The following RBFA variants were observed in gnomAD, a reference collection of about 807,000 sequenced individuals.
RBFA encodes the protein putative ribosome-binding factor A, mitochondrial.
Under a neutral mutation model 27.9 loss-of-function variants are expected in RBFA, and 16 were observed. That is an observed-to-expected ratio of 0.57 (90% CI 0.39 to 0.87). RBFA has a LOEUF of 0.87. Among genes scored for constraint, RBFA ranks in the 40% least tolerant of loss-of-function variants. RBFA has a pLI of 0.00. For synonymous variants in RBFA, 181 were observed against 181.0 expected (o/e 1.00, Z 0.00); for missense variants, 456 against 432.1 (o/e 1.06, Z -0.49).
In RBFA at chr18:80,046,317, G is replaced by T; in HGVS notation, c.*162G>T. 1.3e-6 allele frequency: 1 copy of T among 791,198 alleles called. No homozygotes were observed. The allele number at this position is 791,198 out of a possible 1,614,324, so 49.0% of individuals were successfully genotyped here. A position where few individuals can be genotyped will look rare whatever the true frequency, so the allele number is the denominator to read the frequency against. On this transcript the variant is annotated 3_prime_UTR_variant, in exon 7 of 7. Coordinates refer to ENST00000306735, the MANE Select transcript of RBFA (RefSeq NM_024805.3). ...TATCTAAACACAATTTGCTACACAA[G>T]TCACTGTTTTTTTTTCCATGCACTG... is the stretch of plus-strand genomic sequence containing the variant.
chr18:80,045,514 C>T (rs938829860), intron 6 of RBFA, among the ~76,000 whole-genome samples: 1 of 152,134 alleles, frequency 6.6e-6, no homozygotes, highest in East Asian at 1.9e-4. Context: ...TGTGAGCCAC[C>T]GTGCCCGGCG....
intron 5 of RBFA, among the ~76,000 whole-genome samples, chr18:80,043,266 GA>G (rs1398921904): frequency 9.8e-5 from 15 of 152,334 alleles, no homozygotes; most frequent in African/African-American, 3.6e-4. Flanking sequence ...TATAGGACCA[GA>G]CAGCATTTGG....
intron 5 of RBFA, 76 bp from the exon 6 acceptor site, chr18:80,044,136 G>C: frequency 8.5e-7 from 1 of 1,177,224 alleles, no homozygotes; most frequent in South Asian, 1.2e-5. Context: ...AACAATGCTG[G>C]TGTTACGTGG....
At chr18:80,038,924 A>G (rs1412071999) in intron 4 of RBFA, among the ~76,000 whole-genome samples, 1 of 152,222 alleles carries the variant, frequency 6.6e-6, no homozygotes, top group Non-Finnish European at 1.5e-5. Flanking sequence ...TACAGAAACC[A>G]TGAGGGAAGA....
chr18:80,037,609 AC>A, intron 3 of RBFA, 103 bp downstream of exon 3: 2 of 1,117,310 alleles, frequency 1.8e-6, no homozygotes, highest in Non-Finnish European at 2.5e-6. Flanking sequence ...GACGCTTTAG[AC>A]TGGGCGCGGT....
Position 80,049,080 on chromosome 18 carries a change from G to A in RBFA, c.*2925G>A, listed in dbSNP as rs1334345952. The stretch of plus-strand genomic sequence containing the variant: ...TGGCTTAGGCCTCCCTGTTTCTGGC[G>A]TGGCCTTCCCTGGGAGCGAGTTAGG... On this transcript the variant is annotated 3_prime_UTR_variant, in exon 7 of 7. Coordinates refer to ENST00000306735, the MANE Select transcript of RBFA (RefSeq NM_024805.3). 1.3e-5 allele frequency among the ~76,000 whole-genome samples: 2 copies of A among 152,236 alleles called. No individual in the cohort carries two copies. Among genetic ancestry groups the A allele is most frequent in the Admixed American group, 6.5e-5 (1 of 15,290 alleles).
At chr18:80,037,762 G>A (rs113922394) in intron 3 of RBFA, among the ~76,000 whole-genome samples, 167 of 152,218 alleles carry the variant, frequency 1.1e-3, no homozygotes, top group African/African-American at 3.9e-3. Flanking sequence ...GGTGGCGGGC[G>A]CCTGTAGTCC....
At chr18:80,039,330 CAAAG>C (rs2052001905) in intron 4 of RBFA, among the ~76,000 whole-genome samples, 1 of 152,032 alleles carries the variant, frequency 6.6e-6, no homozygotes, top group African/African-American at 2.4e-5. Context: ...CCCTGTTTCT[CAAAG>C]AAAAATTAAA....
chr18:80,034,732 C>G lies in RBFA; in HGVS notation c.158+79C>G, dbSNP rs993353173. ...CCCCGGGTTGCGGTGTCCGCTCATC[C>G]GCGTTCTTGCGCCCATGCGGCCTAG... is the stretch of plus-strand genomic sequence containing the variant. On this transcript the variant is annotated intron_variant, in intron 1 of 6. Transcript: ENST00000306735. 9.0e-6 allele frequency: 14 copies of G among 1,562,226 alleles called. No individual in the cohort carries two copies. The African/African-American group carries it at 1.7e-4, about 19-fold the overall frequency.
At position 80,048,651 on chromosome 18, in the gene RBFA, G is replaced by A. The variant is rs1185953183; in HGVS notation, c.*2496G>A. On this transcript the variant is annotated 3_prime_UTR_variant, in exon 7 of 7. Transcript: ENST00000306735. ...CTGCCCAGACCTCCACGCCTGTGCCGGATGTGGTGTTGGCATCCATAGCAG... is the reference window on the plus strand; with the variant it reads ...CTGCCCAGACCTCCACGCCTGTGCCAGATGTGGTGTTGGCATCCATAGCAG... Among the ~76,000 whole-genome samples, 7 of 152,208 alleles carry A rather than the reference G, an allele frequency of 4.6e-5. No homozygotes were observed. Among genetic ancestry groups the A allele is most frequent in the African/African-American group, 7.2e-5 (3 of 41,452 alleles).
chr18:80,037,804 G>T (rs973552403), intron 3 of RBFA, among the ~76,000 whole-genome samples: 4 of 152,026 alleles, frequency 2.6e-5, no homozygotes, highest in Non-Finnish European at 4.4e-5. Context: ...CAGGAGAATC[G>T]CTTGAACCCA....
chr18:80,034,467 C>A lies in RBFA; in HGVS notation c.-29C>A. On this transcript the variant is annotated 5_prime_UTR_variant, in exon 1 of 7. The change creates a new upstream start codon in the 5' untranslated region. Coordinates refer to ENST00000306735, the MANE Select transcript of RBFA (RefSeq NM_024805.3). ...CTCCGCGCCTGCGCCCGTTGTCTCC[C>A]TGCTCGCTCCGGGTCCCGGCGCCGC... 2.0e-6 allele frequency: 3 copies of A among 1,485,710 alleles called. No individual in the cohort carries two copies. Among genetic ancestry groups the A allele is most frequent in the East Asian group, 2.7e-5 (1 of 36,992 alleles). The allele number at this position is 1,485,710 out of a possible 1,614,324, so 92.0% of individuals were successfully genotyped here.
At chr18:80,035,533 TAC>T (rs2051972173) in intron 1 of RBFA, 1 of 152,248 alleles carries the variant, frequency 6.6e-6, no homozygotes, top group South Asian at 2.1e-4. Context: ...GGAGGAAGAC[TAC>T]AGAGGTAAAG....
chr18:80,042,879 T>TC (rs904375396), intron 5 of RBFA, among the ~76,000 whole-genome samples: 1 of 152,156 alleles, frequency 6.6e-6, no homozygotes, highest in African/African-American at 2.4e-5. Context: ...CCCAGCCAGG[T>TC]CCCCAGAAGT....
In RBFA at chr18:80,048,515, A is replaced by G. The variant is rs939527658; in HGVS notation, c.*2360A>G. ...TCAATTTGTCTCAGGTCCTTCTAGC[A>G]CATCTGACAGGGACTAGTGTCTAGA... On this transcript the variant is annotated 3_prime_UTR_variant, in exon 7 of 7. Transcript: ENST00000306735. Among the ~76,000 whole-genome samples the G allele has an allele frequency of 2.6e-5, 4 of 152,238 alleles. No individual in the cohort carries two copies. Among genetic ancestry groups the G allele is most frequent in the Admixed American group, 2.0e-4 (3 of 15,288 alleles).
At chr18:80,034,768 C>A (rs568253132) in intron 1 of RBFA, 115 bp downstream of exon 1, 3 of 1,345,488 alleles carry the variant, frequency 2.2e-6, no homozygotes, top group Admixed American at 4.6e-5. Flanking sequence ...CTCGCCAGTT[C>A]CTGCCTCCTG....
intron 3 of RBFA, among the ~76,000 whole-genome samples, chr18:80,037,948 A>G (rs1460682556): frequency 6.6e-6 from 1 of 152,082 alleles, no homozygotes; most frequent in African/African-American, 2.4e-5. Flanking sequence ...GCAGAAATAG[A>G]AATGATGCTC....
chr18:80,050,028 T>A lies in RBFA; in HGVS notation c.*3873T>A, dbSNP rs550309639. On this transcript the variant is annotated 3_prime_UTR_variant, in exon 7 of 7. Transcript: ENST00000306735. ...TCCTCTCTAAGGGCCTGAGACCCTC[T>A]CTTAGGAATAGAAGTACAGTTTTCT... Among the ~76,000 whole-genome samples the A allele has an allele frequency of 6.6e-6, 1 of 152,374 alleles. No individual in the cohort carries two copies. Among genetic ancestry groups the A allele is most frequent in the South Asian group, 2.1e-4 (1 of 4,832 alleles).
intron 5 of RBFA, among the ~76,000 whole-genome samples, chr18:80,043,566 C>CA (rs766251448): frequency 1.3e-5 from 2 of 152,190 alleles, no homozygotes; most frequent in African/African-American, 2.4e-5. Context: ...AGGGAGGTCC[C>CA]ATCAGGTGGT....
Sources: allele counts gnomAD v4.1 joint callset (sites outside exome capture counted in the v4.1 genomes callset), GRCh38; gene constraint gnomAD v4.1.1; transcripts MANE v1.5; gene names NCBI Gene and HGNC (gene_info 2026-07-23, HGNC 2026-07-21).